Variants in DSG3 observed in about 807,000 individuals in gnomAD.
The protein encoded by DSG3 is desmoglein-3.
Under a neutral mutation model 85.9 loss-of-function variants are expected in DSG3, and 63 were observed. The observed-to-expected ratio is 0.73, with a 90% CI of 0.60 to 0.90. The LOEUF (loss-of-function observed/expected upper bound fraction) is 0.90, where lower values mean the gene tolerates loss of function less well. DSG3 is among the 40% of genes least tolerant of loss of function. DSG3 has a pLI of 0.00. For synonymous variants in DSG3, 447 were observed against 441.9 expected (o/e 1.01, Z -0.14); for missense variants, 1,220 against 1,219.9 (o/e 1.00, Z 0.00).
At position 31,478,659 on chromosome 18, in the gene DSG3, T is replaced by C. The variant is rs2072903949; in HGVS notation, c.*2399T>C. The C allele has an allele frequency of 6.6e-6, 1 of 152,224 alleles. No homozygotes were observed. Among genetic ancestry groups the C allele is most frequent in the Non-Finnish European group, 1.5e-5 (1 of 68,040 alleles). 9.4% of individuals were successfully genotyped at this position (152,224 alleles called of 1,614,324 possible). ...GTATTAAACCATAAACAGTATAATG[T>C]TGTTATAATAAAACAGGCAATAAAT... On this transcript the variant is annotated 3_prime_UTR_variant, in exon 16 of 16. Transcript: ENST00000257189.
intron 14 of DSG3, 65 bp downstream of exon 14, chr18:31,472,853 G>A: frequency 7.0e-7 from 1 of 1,425,970 alleles, no homozygotes; most frequent in Non-Finnish European, 9.9e-7. Context: ...AAAATAAGAA[G>A]TGTTCAAACT....
At position 31,469,118 on chromosome 18, in the gene DSG3, C is replaced by G. The variant is rs762026150; in HGVS notation, c.1666C>G (p.Gln556Glu). 1 of 1,614,090 alleles carries G rather than the reference C, an allele frequency of 6.2e-7. No homozygotes were observed. Among genetic ancestry groups the G allele is most frequent in the African/African-American group, 1.3e-5 (1 of 74,940 alleles). The change falls in exon 12 of 16, where the codon CAG (glutamine) becomes GAG (glutamate). Residue 556 changes from glutamine to glutamate, a missense_variant. By Grantham distance (29) the Gln-to-Glu change is conservative. Coordinates refer to ENST00000257189, the MANE Select transcript of DSG3 (RefSeq NM_001944.3). Reference sequence around the variant, plus strand: ...CTCGGCCCTCCTCAGAGCCCAGGAACAGATACCTCCTGGAGTATACCACAT... The same window carrying G: ...CTCGGCCCTCCTCAGAGCCCAGGAAGAGATACCTCCTGGAGTATACCACAT... ...ATSALLRAQE[Q>E]IPPGVYHISL...
Position 31,447,794 on chromosome 18 carries a change from CT to C in DSG3, c.-80del. On this transcript the variant is annotated 5_prime_UTR_variant, in exon 1 of 16. Coordinates refer to ENST00000257189, the MANE Select transcript of DSG3 (RefSeq NM_001944.3). ...AAAGCAGCAGAGACGCTGCAGAGGG[CT>C]TTTCTTAGACATCAACTGCAGACGG... 1 of 1,209,214 alleles carries C rather than the reference CT, an allele frequency of 8.3e-7. No individual in the cohort carries two copies. The highest frequency in any genetic ancestry group is 1.2e-6 in the Non-Finnish European group (1 of 860,064). The allele number at this position is 1,209,214 out of a possible 1,614,324, so 74.9% of individuals were successfully genotyped here. A position where few individuals can be genotyped will look rare whatever the true frequency, so the allele number is the denominator to read the frequency against.
At chr18:31,466,903 TTC>T in intron 11 of DSG3, 149 bp downstream of exon 11, 1 of 648,198 alleles carries the variant, frequency 1.5e-6, no homozygotes, top group East Asian at 2.7e-5. Flanking sequence ...TGTGAATTAC[TTC>T]TCTTTTCAGA....
At chr18:31,461,890 T>G (rs1030321176) in intron 8 of DSG3, among the ~76,000 whole-genome samples, 3 of 152,222 alleles carry the variant, frequency 2.0e-5, no homozygotes, top group Non-Finnish European at 4.4e-5. Flanking sequence ...TGGGAATTTA[T>G]GAACAAAATC....
At position 31,459,835 on chromosome 18, in the gene DSG3, G is replaced by A. The variant is rs1380119119; in HGVS notation, c.518-10G>A. On this transcript the variant is annotated splice_polypyrimidine_tract_variant and intron_variant, in intron 5 of 15. Coordinates refer to ENST00000257189, the MANE Select transcript of DSG3 (RefSeq NM_001944.3). ...CATATTCTTTAATAAACGTTTTCCT[G>A]TATTCCTAGACTCACTGGTGATGAT... 5 of 1,596,100 alleles carry A rather than the reference G, an allele frequency of 3.1e-6. No individual in the cohort carries two copies. The highest frequency in any genetic ancestry group is 4.3e-6 in the Non-Finnish European group (5 of 1,170,252).
intron 14 of DSG3, among the ~76,000 whole-genome samples, chr18:31,473,167 T>A (rs1359211175): frequency 6.6e-6 from 1 of 152,202 alleles, no homozygotes; most frequent in Non-Finnish European, 1.5e-5. Context: ...CCCAACTTTG[T>A]CTTTTCCAAA....
intron 15 of DSG3, among the ~76,000 whole-genome samples, chr18:31,475,064 G>A (rs573602297): frequency 1.4e-4 from 21 of 152,158 alleles, no homozygotes; most frequent in Non-Finnish European, 2.6e-4. Flanking sequence ...AAAAAGAATA[G>A]GATGGAAGAT....
intron 6 of DSG3, among the ~76,000 whole-genome samples, chr18:31,460,474 C>G (rs2072776919): frequency 6.6e-6 from 1 of 152,176 alleles, no homozygotes; most frequent in Non-Finnish European, 1.5e-5. Flanking sequence ...TTACCTACCA[C>G]CACCACCTTC....
At chr18:31,462,160 C>T (rs909560070) in intron 8 of DSG3, among the ~76,000 whole-genome samples, 6 of 152,098 alleles carry the variant, frequency 3.9e-5, no homozygotes, top group Non-Finnish European at 8.8e-5. Flanking sequence ...GCAGCCTTCA[C>T]CTCCCAGGCC....
Position 31,472,268 on chromosome 18 carries a change from T to G in DSG3, c.1898-16T>G. ...ATTAGTCAAGTGTTCTGATGTTTTG[T>G]TTTGTTTTTCACTAGTGGCCCCCCT... On this transcript the variant is annotated splice_polypyrimidine_tract_variant and intron_variant, in intron 12 of 15. Coordinates refer to ENST00000257189, the MANE Select transcript of DSG3 (RefSeq NM_001944.3). 6.2e-7 allele frequency: 1 copy of G among 1,614,050 alleles called. No homozygotes were observed. The highest frequency in any genetic ancestry group is 8.5e-7 in the Non-Finnish European group (1 of 1,179,894).
At position 31,461,375 on chromosome 18, in the gene DSG3, A is replaced by T; in HGVS notation, c.962A>T (p.Asp321Val). 1 of 1,613,612 alleles carries T rather than the reference A, an allele frequency of 6.2e-7. No individual in the cohort carries two copies. The highest frequency in any genetic ancestry group is 8.5e-7 in the Non-Finnish European group (1 of 1,179,832). Reference protein sequence around the residue: ...NEGNWFEIQTDPRTNEGILKV... With the variant: ...NEGNWFEIQTVPRTNEGILKV... ...GGAAATTGGTTTGAAATACAAACTG[A>T]TCCTAGAACTAATGAAGGCATCCTG... is the stretch of plus-strand genomic sequence containing the variant. Residue 321 changes from aspartate (D) to valine (V), a missense_variant, in exon 8 of 16, where the codon GAT becomes GTT. By Grantham distance (152) the Asp-to-Val change is radical (BLOSUM62 -3). Transcript: ENST00000257189.
Position 31,457,129 on chromosome 18 carries a change from G to C in DSG3, c.216+5G>C. The stretch of plus-strand genomic sequence containing the variant: ...AAAAGAAACCCAATTGCCAAGGTAA[G>C]TTATATCAACAGGAGCGTATGAGTT... On this transcript the variant is annotated splice_donor_5th_base_variant and intron_variant, in intron 3 of 15. Transcript: ENST00000257189. The C allele has an allele frequency of 6.2e-7, 1 of 1,610,722 alleles. No individual in the cohort carries two copies. The highest frequency in any genetic ancestry group is 8.5e-7 in the Non-Finnish European group (1 of 1,179,040).
intron 12 of DSG3, among the ~76,000 whole-genome samples, chr18:31,471,542 C>T (rs533186442): frequency 1.3e-5 from 2 of 152,260 alleles, no homozygotes; most frequent in Admixed American, 6.5e-5. Flanking sequence ...ATTCAGGTGG[C>T]CTTGGCAGGG....
chr18:31,459,044 G>C lies in DSG3; in HGVS notation c.384G>C (p.Arg128=). ...CCCTCTGTTCCTAGATCACATGTCG[G>C]GCTCTAAATGCCCAAGGACTAGATG... The part of the protein sequence containing the change: ...EETPSFLITC[R]ALNAQGLDVE... Residue 128 remains arginine, a synonymous_variant, in exon 5 of 16, where the codon CGG becomes CGC. Transcript: ENST00000257189. 1 of 1,613,226 alleles carries C rather than the reference G, an allele frequency of 6.2e-7. No homozygotes were observed. Among genetic ancestry groups the C allele is most frequent in the Non-Finnish European group, 8.5e-7 (1 of 1,179,804 alleles).
rs192092163 is a variant in DSG3 at position 31,465,071 on chromosome 18, G to A, written c.1272-247G>A. ...ACCCAGGAGGCAGAGGTTGTGGTGA[G>A]CCGAGATGGCACCATTGCACTCCAG... On this transcript the variant is annotated intron_variant, in intron 9 of 15. Coordinates refer to ENST00000257189, the MANE Select transcript of DSG3 (RefSeq NM_001944.3). 1.0e-3 allele frequency among the ~76,000 whole-genome samples: 158 copies of A among 151,200 alleles called. No individual in the cohort carries two copies. The Middle Eastern group carries it at 0.017, about 16-fold the overall frequency.
At chr18:31,459,772 G>C in intron 5 of DSG3, 73 bp from the exon 6 acceptor site, 1 of 1,404,732 alleles carries the variant, frequency 7.1e-7, no homozygotes, top group Non-Finnish European at 9.6e-7. Flanking sequence ...ATGTGAACTT[G>C]TTTGGAATAT....
At chr18:31,460,283 G>A (rs2072775886) in intron 6 of DSG3, among the ~76,000 whole-genome samples, 1 of 152,182 alleles carries the variant, frequency 6.6e-6, no homozygotes, top group Non-Finnish European at 1.5e-5. Flanking sequence ...GACATACATG[G>A]ACAAAGATTG....
chr18:31,474,340 G>T lies in DSG3; in HGVS notation c.2321G>T (p.Gly774Val). Residue 774 changes from glycine (G) to valine (V), a missense_variant, in exon 15 of 16, where the codon GGA (glycine) becomes GTA (valine). Physicochemically the swap from Gly to Val is moderately radical, Grantham distance 109. Transcript: ENST00000257189. ...ATGAGAACAAGGCATTCCACTGGAG[G>T]AACCAATAAGGACTACGCTGATGGG... ...GTMRTRHSTG[G>V]TNKDYADGAI... is the part of the protein sequence containing the mutation. The T allele has an allele frequency of 6.2e-7, 1 of 1,614,150 alleles. No homozygotes were observed. Among genetic ancestry groups the T allele is most frequent in the Non-Finnish European group, 8.5e-7 (1 of 1,180,038 alleles).
Sources: allele counts gnomAD v4.1 joint callset (sites outside exome capture counted in the v4.1 genomes callset), GRCh38; gene constraint gnomAD v4.1.1; transcripts MANE v1.5; gene names NCBI Gene and HGNC (gene_info 2026-07-23, HGNC 2026-07-21).